Variants in ITPK1 observed in about 807,000 individuals in gnomAD.
ITPK1 encodes the protein inositol-tetrakisphosphate 1-kinase.
In ITPK1, 21 loss-of-function variants were observed where a neutral mutation model predicts 45.3. That is an observed-to-expected ratio of 0.46 (90% CI 0.33 to 0.67). The LOEUF (loss-of-function observed/expected upper bound fraction) is 0.67. ITPK1 is among the 30% of genes least tolerant of loss of function. ITPK1 has a pLI of 0.02. For synonymous variants in ITPK1, 258 were observed against 253.6 expected (o/e 1.02, Z -0.16); for missense variants, 474 against 573.5 (o/e 0.83, Z 1.77).
At chr14:93,069,320 C>T (rs1483832103) in intron 3 of ITPK1, 1 of 154,042 alleles carries the variant, frequency 6.5e-6, no homozygotes, top group Middle Eastern at 3.2e-3. Flanking sequence ...CCATGAACAA[C>T]TCACCTGGCA....
chr14:93,017,357 A>G (rs1192465808), intron 3 of ITPK1, among the ~76,000 whole-genome samples: 1 of 152,230 alleles, frequency 6.6e-6, no homozygotes, highest in Non-Finnish European at 1.5e-5. Flanking sequence ...CTTGCACTTC[A>G]CACTGAAATC....
At chr14:92,983,400 T>A (rs909888573) in intron 5 of ITPK1, among the ~76,000 whole-genome samples, 3 of 152,214 alleles carry the variant, frequency 2.0e-5, no homozygotes, top group Non-Finnish European at 4.4e-5. Context: ...CATCTTAGCT[T>A]GGACCCAGAG....
At chr14:92,990,496 G>A (rs1206797165) in intron 5 of ITPK1, among the ~76,000 whole-genome samples, 2 of 152,226 alleles carry the variant, frequency 1.3e-5, no homozygotes, top group African/African-American at 2.4e-5. Flanking sequence ...TTTTAGGTCT[G>A]CTGTTAAAGC....
intron 3 of ITPK1, among the ~76,000 whole-genome samples, chr14:93,066,840 T>A (rs1490013666): frequency 6.6e-6 from 1 of 152,122 alleles, no homozygotes; most frequent in Non-Finnish European, 1.5e-5. Context: ...AGGCAATGCA[T>A]CTCCATTCCT....
Position 93,029,184 on chromosome 14 carries a change from G to A in ITPK1, c.121-12383C>T, listed in dbSNP as rs1345672915. ...TTATCCCTGCTTTGCTCCGAAAAAA[G>A]GACATGATGAGATGAGGGAACTCGT... On this transcript the variant is annotated intron_variant, in intron 3 of 10. Transcript: ENST00000267615. 2.6e-5 allele frequency among the ~76,000 whole-genome samples: 4 copies of A among 152,168 alleles called. No homozygotes were observed. The East Asian group carries it at 7.7e-4, about 29-fold the overall frequency.
intron 2 of ITPK1, among the ~76,000 whole-genome samples, chr14:93,079,099 C>T (rs1891340743): frequency 6.6e-6 from 1 of 152,198 alleles, no homozygotes. Flanking sequence ...CCACATTTTA[C>T]ATCATCCCAG....
At chr14:93,072,761 C>A (rs1361200912) in intron 3 of ITPK1, among the ~76,000 whole-genome samples, 4 of 152,094 alleles carry the variant, frequency 2.6e-5, no homozygotes, top group African/African-American at 9.7e-5. Flanking sequence ...CCACCACACC[C>A]AACTAATTTT....
At chr14:93,106,870 G>A (rs1371132128) in intron 2 of ITPK1, among the ~76,000 whole-genome samples, 1 of 152,094 alleles carries the variant, frequency 6.6e-6, no homozygotes, top group East Asian at 1.9e-4. Context: ...TCCTGGCCCA[G>A]AGCATTCCAG....
chr14:93,009,010 G>A (rs1357212974), intron 4 of ITPK1, among the ~76,000 whole-genome samples: 2 of 152,034 alleles, frequency 1.3e-5, no homozygotes, highest in Non-Finnish European at 2.9e-5. Context: ...ATGCAGTGAC[G>A]CTCGACCAGG....
chr14:92,977,203 A>T (rs1395339244), intron 5 of ITPK1, among the ~76,000 whole-genome samples: 1 of 152,238 alleles, frequency 6.6e-6, no homozygotes, highest in Non-Finnish European at 1.5e-5. Context: ...CCTGTCCATC[A>T]TTATCGTCAT....
intron 2 of ITPK1, among the ~76,000 whole-genome samples, chr14:93,108,699 C>A (rs1892620329): frequency 1.3e-5 from 2 of 152,228 alleles, no homozygotes; most frequent in South Asian, 4.1e-4. Flanking sequence ...ATTGAAATTT[C>A]TTTGTGAGCA....
intron 9 of ITPK1, among the ~76,000 whole-genome samples, chr14:92,951,637 G>A (rs997509206): frequency 3.3e-5 from 5 of 152,160 alleles, no homozygotes; most frequent in African/African-American, 1.2e-4. Context: ...AATTCCTCAT[G>A]CTGGGAGAAG....
chr14:93,083,617 C>T (rs1002099560), intron 2 of ITPK1, among the ~76,000 whole-genome samples: 5 of 152,160 alleles, frequency 3.3e-5, no homozygotes, highest in African/African-American at 7.2e-5. Context: ...GAAAAAGCCC[C>T]AAGTTATGGT....
At position 92,976,538 on chromosome 14, in the gene ITPK1, C is replaced by T. The variant is rs113486423; in HGVS notation, c.365-13689G>A. The stretch of plus-strand genomic sequence containing the variant: ...GAAACACCATTATCATTTTGGATTT[C>T]CATCTAACAGACAACCAAAATGAAG... On this transcript the variant is annotated intron_variant, in intron 5 of 10. Coordinates refer to ENST00000267615, the MANE Select transcript of ITPK1 (RefSeq NM_014216.6). Among the ~76,000 whole-genome samples, 1,356 of 152,340 alleles carry T rather than the reference C, an allele frequency of 8.9e-3. 17 individuals are homozygous for T. Among genetic ancestry groups the T allele is most frequent in the African/African-American group, 0.031 (1,273 of 41,578 alleles).
chr14:92,940,841 G>A lies in ITPK1; in HGVS notation c.*720C>T, dbSNP rs1887335104. The stretch of plus-strand genomic sequence containing the variant: ...CCTTCCCGGGCTCCAGGGAGCAGCA[G>A]TGCTGGCTTAGGGGAAGGAGACCGC... On this transcript the variant is annotated 3_prime_UTR_variant, in exon 11 of 11. Transcript: ENST00000267615. 8 of 1,287,418 alleles carry A rather than the reference G, an allele frequency of 6.2e-6. No individual in the cohort carries two copies. The South Asian group carries it at 9.9e-5, about 16-fold the overall frequency. The allele number at this position is 1,287,418 out of a possible 1,614,324, so 79.7% of individuals were successfully genotyped here. A position where few individuals can be genotyped will look rare whatever the true frequency, so the allele number is the denominator to read the frequency against.
chr14:92,977,225 G>A (rs142634869), intron 5 of ITPK1, among the ~76,000 whole-genome samples: 17 of 152,286 alleles, frequency 1.1e-4, no homozygotes, highest in African/African-American at 4.1e-4. Context: ...ATCATCACTG[G>A]TATTACTATT....
intron 3 of ITPK1, among the ~76,000 whole-genome samples, chr14:93,053,415 C>T (rs1353247055): frequency 6.6e-6 from 1 of 152,210 alleles, no homozygotes; most frequent in African/African-American, 2.4e-5. Flanking sequence ...GGCCTCATGA[C>T]AGCCAGTGCT....
chr14:93,063,921 G>A lies in ITPK1; in HGVS notation c.120+12674C>T, dbSNP rs137921576. Among the ~76,000 whole-genome samples, 4 of 152,192 alleles carry A rather than the reference G, an allele frequency of 2.6e-5. No individual in the cohort carries two copies. In the East Asian group the frequency reaches 5.8e-4, roughly 22 times the overall value. On this transcript the variant is annotated intron_variant, in intron 3 of 10. Transcript: ENST00000267615. The surrounding 1 kb of genome is among the most constrained non-coding windows in gnomAD (Gnocchi z 4.3). ...AACGCACTTTGGAATTTTTACATGC[G>A]CATTCTAGAACTCTGAAGCAATCCT...
At chr14:92,985,469 TAAAC>T (rs1011193840) in intron 5 of ITPK1, among the ~76,000 whole-genome samples, 2 of 151,584 alleles carry the variant, frequency 1.3e-5, no homozygotes, top group Admixed American at 6.6e-5. Flanking sequence ...AAAATTACAC[TAAAC>T]AAACCTGTGC....
Sources: gnomAD v4.1 joint callset for allele counts (sites outside exome capture counted in the v4.1 genomes callset) on GRCh38, gnomAD v4.1.1 for gene constraint, Gnocchi (gnomAD v3.1) non-coding constraint, MANE v1.5 for transcripts, NCBI Gene and HGNC (gene_info 2026-07-23, HGNC 2026-07-21) for gene names.